UPRT: variants seen among roughly 807,000 people sequenced by gnomAD.
The protein encoded by UPRT is uracil phosphoribosyltransferase homolog, also known as RP11-311P8.3.
A neutral mutation model predicts 22.6 loss-of-function variants in UPRT; 5 were observed. That is an observed-to-expected ratio of 0.22 (90% CI 0.12 to 0.47). The LOEUF is 0.47. UPRT is among the 20% of genes least tolerant of loss of function. The pLI is 0.99. For synonymous variants in UPRT, 77 were observed against 87.7 expected, an observed-to-expected ratio of 0.88 and a Z score of 0.68; for missense variants, 181 against 239.9, an observed-to-expected ratio of 0.75 and a Z score of 1.62.
At chrX:75,214,533 C>T (rs1164498150) in intron 4 of UPRT, among the ~76,000 whole-genome samples, 1 of 112,494 alleles carries the variant, frequency 8.9e-6, no homozygotes, top group Non-Finnish European at 1.9e-5. Context: ...ACAAAGAATA[C>T]AATTTTCAGT....
chrX:75,224,768 G>A (rs2082419113), intron 4 of UPRT, among the ~76,000 whole-genome samples: 1 of 111,579 alleles, frequency 9.0e-6, no homozygotes, highest in Admixed American at 9.5e-5. Context: ...ATACTTACTG[G>A]CCTATATTCT....
At chrX:75,238,807 T>C (rs748999697) in intron 4 of UPRT, among the ~76,000 whole-genome samples, 1 of 111,718 alleles carries the variant, frequency 9.0e-6, no homozygotes, top group East Asian at 2.8e-4. Flanking sequence ...TCAACTTCAA[T>C]AGGAACCCTT....
intron 4 of UPRT, among the ~76,000 whole-genome samples, chrX:75,232,221 G>A (rs930184739): frequency 4.4e-5 from 5 of 112,453 alleles, no homozygotes; most frequent in East Asian, 2.8e-4. Context: ...CGAATACTGC[G>A]CTTTTCCGAT....
intron 4 of UPRT, among the ~76,000 whole-genome samples, chrX:75,212,162 G>C (rs1310849932): frequency 8.9e-6 from 1 of 112,153 alleles, no homozygotes; most frequent in Non-Finnish European, 1.9e-5. Flanking sequence ...CTTACAAAAT[G>C]ATGCAATTTG....
intron 4 of UPRT, among the ~76,000 whole-genome samples, chrX:75,178,923 C>A (rs747366958): frequency 8.9e-6 from 1 of 112,006 alleles, no homozygotes; most frequent in South Asian, 3.8e-4. Flanking sequence ...CACCTACATC[C>A]TGCTGATTGG....
intron 4 of UPRT, among the ~76,000 whole-genome samples, chrX:75,199,194 A>G (rs779800026): frequency 1.8e-5 from 2 of 112,179 alleles, no homozygotes; most frequent in South Asian, 7.4e-4. Context: ...CTGATACACA[A>G]GCCAGGGAGG....
At chrX:75,179,259 G>A (rs2082260992) in intron 4 of UPRT, among the ~76,000 whole-genome samples, 1 of 111,504 alleles carries the variant, frequency 9.0e-6, no homozygotes, top group Admixed American at 9.4e-5. Context: ...GGTGCTGATT[G>A]GTGTATTTAC....
intron 4 of UPRT, among the ~76,000 whole-genome samples, chrX:75,221,130 G>A (rs1307570751): frequency 1.8e-5 from 2 of 110,967 alleles, no homozygotes; most frequent in African/African-American, 3.3e-5. Context: ...CTTTAAATAT[G>A]TTATGCCACT....
chrX:75,171,675 A>C (rs1219169058), intron 4 of UPRT, among the ~76,000 whole-genome samples: 9 of 106,705 alleles, frequency 8.4e-5, no homozygotes, highest in Non-Finnish European at 1.7e-4. Context: ...ATGTTACCAG[A>C]ATTGTTTTTC....
At chrX:75,188,852 G>A (rs772535225) in intron 4 of UPRT, among the ~76,000 whole-genome samples, 103 of 111,713 alleles carry the variant, frequency 9.2e-4, no homozygotes, top group African/African-American at 3.1e-3. Context: ...TTCGCTTCCC[G>A]AGTGAGGCAA....
At chrX:75,195,797 A>T (rs757198228) in intron 4 of UPRT, among the ~76,000 whole-genome samples, 2 of 111,904 alleles carry the variant, frequency 1.8e-5, no homozygotes, top group Non-Finnish European at 3.8e-5. Flanking sequence ...TCCTCTGAAG[A>T]TCTGCTAGGA....
intron 1 of UPRT, among the ~76,000 whole-genome samples, chrX:75,283,337 GT>G (rs1220662353): frequency 9.2e-6 from 1 of 108,783 alleles, no homozygotes; most frequent in Non-Finnish European, 1.9e-5. Flanking sequence ...TCTATGTACT[GT>G]TTTTTTTTGT....
intron 1 of UPRT, among the ~76,000 whole-genome samples, chrX:75,157,560 T>C (rs2082185922): frequency 8.9e-6 from 1 of 112,063 alleles, no homozygotes; most frequent in Admixed American, 9.5e-5. Flanking sequence ...GGCCTTCTAT[T>C]TCATTCTAAG....
chrX:75,265,867 C>T (rs1392627002), intron 4 of UPRT, among the ~76,000 whole-genome samples: 1 of 110,968 alleles, frequency 9.0e-6, no homozygotes, highest in Non-Finnish European at 1.9e-5. Flanking sequence ...GTGTGGATGT[C>T]CTTTCTTTTT....
chrX:75,298,628 G>A (rs2082734332), intron 4 of UPRT, among the ~76,000 whole-genome samples: 1 of 111,925 alleles, frequency 8.9e-6, no homozygotes, highest in Non-Finnish European at 1.9e-5. Flanking sequence ...TTTCTCTTCT[G>A]GTTATGAAGT....
chrX:75,162,074 T>A (rs753692807), intron 2 of UPRT, among the ~76,000 whole-genome samples: 4 of 108,515 alleles, frequency 3.7e-5, no homozygotes, highest in Non-Finnish European at 7.6e-5. Flanking sequence ...TAGAAATATT[T>A]CTAGGTATAC....
intron 4 of UPRT, among the ~76,000 whole-genome samples, chrX:75,171,185 C>A (rs777405359): frequency 1.5e-4 from 17 of 111,477 alleles, no homozygotes; most frequent in South Asian, 7.6e-4. Context: ...TTTTAGATTT[C>A]TCTTCTTCCT....
intron 4 of UPRT, among the ~76,000 whole-genome samples, chrX:75,187,121 T>C (rs1460858615): frequency 8.9e-6 from 1 of 111,973 alleles, no homozygotes. Context: ...CTAGTCTTGA[T>C]GGTCTTTACA....
At chrX:75,267,078 C>T (rs2082591746) in intron 4 of UPRT, among the ~76,000 whole-genome samples, 1 of 111,141 alleles carries the variant, frequency 9.0e-6, no homozygotes, top group South Asian at 3.8e-4. Flanking sequence ...CCCAGCCATC[C>T]AATTACTGGG....
Sources: gnomAD v4.1 joint callset for allele counts (sites outside exome capture counted in the v4.1 genomes callset) on GRCh38, gnomAD v4.1.1 for gene constraint, MANE v1.5 for transcripts, NCBI Gene and HGNC (gene_info 2026-07-23, HGNC 2026-07-21) for gene names.